Variants in PPP2R3B observed in about 807,000 individuals in gnomAD.
The protein encoded by PPP2R3B is serine/threonine-protein phosphatase 2A regulatory subunit B'' subunit beta.
A neutral mutation model predicts 72.9 loss-of-function variants in PPP2R3B; 68 were observed. That is an observed-to-expected ratio of 0.93 (90% CI 0.77 to 1.14). The LOEUF is 1.14. Among genes scored for constraint, PPP2R3B ranks in the 50% most tolerant of loss-of-function variants. The probability of loss-of-function intolerance (pLI) is 0.00; values close to 1 mark genes in which losing one functional copy is unlikely to be tolerated. For missense variants in PPP2R3B, 1,018 were observed against 842.0 expected (o/e 1.21, Z -2.59); for synonymous variants, 466 against 375.8 (o/e 1.24, Z -2.78).
At position 356,190 on chromosome X, in the gene PPP2R3B, G is replaced by A. The variant is rs1209976230; in HGVS notation, c.510+5215C>T. The stretch of plus-strand genomic sequence containing the variant: ...GCTGCCTGGAAATGCGTCACTCAGG[G>A]CCACCCCGGAAGCAGGGTTTTTTGT... On this transcript the variant is annotated intron_variant, in intron 2 of 12. Transcript: ENST00000390665. 4.6e-5 allele frequency among the ~76,000 whole-genome samples: 7 copies of A among 152,192 alleles called. No homozygotes were observed. In the Middle Eastern group the frequency reaches 9.5e-3, roughly 206 times the overall value.
Position 341,302 on chromosome X carries a change from C to A in PPP2R3B, c.1175+5G>T. ...GGACAAACGCATGCCGCAGCAGGAACCCACCTGGTCGGTGTTTTTTTGTCT... is the reference window on the plus strand; with the variant it reads ...GGACAAACGCATGCCGCAGCAGGAAACCACCTGGTCGGTGTTTTTTTGTCT... On this transcript the variant is annotated splice_donor_5th_base_variant and intron_variant, in intron 9 of 12. Transcript: ENST00000390665. 6.2e-7 allele frequency: 1 copy of A among 1,612,606 alleles called. No homozygotes were observed. Among genetic ancestry groups the A allele is most frequent in the South Asian group, 1.1e-5 (1 of 91,082 alleles).
intron 1 of PPP2R3B, among the ~76,000 whole-genome samples, chrX:367,682 G>A (rs2071751735): frequency 6.6e-6 from 1 of 152,232 alleles, no homozygotes; most frequent in Non-Finnish European, 1.5e-5. Flanking sequence ...GACGGTCACA[G>A]TCCATCACAC....
At chrX:374,070 A>C (rs2071934454) in intron 1 of PPP2R3B, 1 of 151,980 alleles carries the variant, frequency 6.6e-6, no homozygotes, top group Non-Finnish European at 1.5e-5. Context: ...AGCGCGCATC[A>C]ACAGGTCCCC....
rs773545426 is a variant in PPP2R3B, at chrX:335,526, T to TA, written c.1578-1010dup. 844 of 152,336 alleles carry TA rather than the reference T, an allele frequency of 5.5e-3. 6 individuals are homozygous for TA. The highest frequency in any genetic ancestry group is 8.6e-3 in the Non-Finnish European group (586 of 68,066). The allele number at this position is 152,336 out of a possible 1,614,324, so 9.4% of individuals were successfully genotyped here. A position where few individuals can be genotyped will look rare whatever the true frequency, so the allele number is the denominator to read the frequency against. On this transcript the variant is annotated intron_variant, in intron 12 of 12. Transcript: ENST00000390665. ...GGGCGGCTGATGGGGGAGCAGGGGTTAAAATGCACGTCCATGGAACCCATG... is the reference window on the plus strand; with the variant it reads ...GGGCGGCTGATGGGGGAGCAGGGGTTAAAAATGCACGTCCATGGAACCCATG...
chrX:375,992 G>C (rs1185654224), intron 1 of PPP2R3B, among the ~76,000 whole-genome samples: 1 of 152,152 alleles, frequency 6.6e-6, no homozygotes, highest in Non-Finnish European at 1.5e-5. Flanking sequence ...AGGAGTTCGA[G>C]ACCAGCCAGG....
chrX:365,247 GCATGCCTGTACTCCCAGCTACTCGAGA>G (rs2071682930), intron 1 of PPP2R3B, among the ~76,000 whole-genome samples: 1 of 20,378 alleles, frequency 4.9e-5, no homozygotes, highest in Non-Finnish European at 8.7e-5. Context: ...GTGTGGTGGC[GCATGCCTGTACTCCCAGCTACTCGAGA>G]GGCTGAGGCA....
rs202064367 is a variant in PPP2R3B, at chrX:338,686, G to A, written c.1495C>T (p.Leu499Phe). 1.7e-5 allele frequency: 28 copies of A among 1,611,510 alleles called. No homozygotes were observed. Among genetic ancestry groups the A allele is most frequent in the Non-Finnish European group, 1.9e-5 (22 of 1,179,656 alleles). Residue 499 changes from leucine to phenylalanine, a missense_variant, in exon 12 of 13, where the codon CTC (leucine) becomes TTC (phenylalanine). By Grantham distance (22) the Leu-to-Phe change is conservative (BLOSUM62 0). Transcript: ENST00000390665. ...GCCGCGTACTTCTCCCAGTCCGAGA[G>A]CTCGGGGCCGCCGCTGTCACCGTCC... ...LRDGDSGGPE[L>F]SDWEKYAAEE...
chrX:379,089 A>ATG (rs200042991), intron 1 of PPP2R3B, among the ~76,000 whole-genome samples: 17,789 of 141,858 alleles, frequency 0.13, 1,051 homozygotes, highest in Middle Eastern at 0.2. Context: ...GTATGCACCT[A>ATG]CGTGTGTGTG....
chrX:346,329 G>A (rs1469883403), intron 5 of PPP2R3B, 69 bp from the exon 6 acceptor site: 19 of 1,463,550 alleles, frequency 1.3e-5, no homozygotes, highest in Non-Finnish European at 1.8e-5. Context: ...ACGGAGACCG[G>A]GAGCCGGGAG....
chrX:338,093 C>G (rs745669557), intron 12 of PPP2R3B: 1 of 176,962 alleles, frequency 5.7e-6, no homozygotes, highest in African/African-American at 2.4e-5. Context: ...TGAAAACATA[C>G]GTCACAAACT....
intron 2 of PPP2R3B, among the ~76,000 whole-genome samples, chrX:354,675 AC>A (rs946493840): frequency 6.6e-6 from 1 of 152,018 alleles, no homozygotes; most frequent in African/African-American, 2.4e-5. Context: ...ACATAGCAGA[AC>A]CCTGTCTCTA....
At position 345,604 on chromosome X, in the gene PPP2R3B, G is replaced by C; in HGVS notation, c.948C>G (p.Phe316Leu). The change falls in exon 7 of 13, where the codon TTC becomes TTG. Residue 316 changes from phenylalanine (F) to leucine (L), a missense_variant. Coordinates refer to ENST00000390665, the MANE Select transcript of PPP2R3B (RefSeq NM_013239.5). ...CCCAGAACTTGCAGTAGATGACGTA[G>C]AAATGCTCGTACGAGAAGAATTCGG... is the stretch of plus-strand genomic sequence containing the variant. ...QLTEFFSYEH[F>L]YVIYCKFWEL... is the part of the protein sequence containing the mutation. 2 of 1,613,286 alleles carry C rather than the reference G, an allele frequency of 1.2e-6. No homozygotes were observed. Among genetic ancestry groups the C allele is most frequent in the Non-Finnish European group, 1.7e-6 (2 of 1,179,578 alleles).
chrX:345,781 G>A, intron 6 of PPP2R3B, 109 bp from the exon 7 acceptor site: 1 of 1,207,938 alleles, frequency 8.3e-7, no homozygotes, highest in Non-Finnish European at 1.2e-6. Context: ...GCCGCTCCGT[G>A]GGTGGGGGGG....
At chrX:364,517 AAAAC>A (rs1255262672) in intron 1 of PPP2R3B, among the ~76,000 whole-genome samples, 5 of 110,370 alleles carry the variant, frequency 4.5e-5, no homozygotes, top group Non-Finnish European at 9.5e-5. Flanking sequence ...AAAAAAAAAA[AAAAC>A]AAAAAAAAAA....
At chrX:339,373 G>A (rs375947274) in intron 10 of PPP2R3B, among the ~76,000 whole-genome samples, 5 of 106,730 alleles carry the variant, frequency 4.7e-5, no homozygotes, top group Admixed American at 1.9e-4. Context: ...GCCAGGCGGC[G>A]TGGACGGTGG....
chrX:360,935 G>A, intron 2 of PPP2R3B, among the ~76,000 whole-genome samples: 1 of 152,226 alleles, frequency 6.6e-6, no homozygotes, highest in Middle Eastern at 3.4e-3. Context: ...AGCACTCAGG[G>A]TGAGTCTAGA....
intron 9 of PPP2R3B, 40 bp from the exon 10 acceptor site, chrX:340,980 C>A (rs765697093): frequency 7.5e-6 from 12 of 1,594,476 alleles, no homozygotes; most frequent in Non-Finnish European, 1.0e-5. Context: ...GCCCTGGGCC[C>A]TCCCAGCCCG....
At chrX:376,320 C>A (rs1037673775) in intron 1 of PPP2R3B, among the ~76,000 whole-genome samples, 1 of 152,186 alleles carries the variant, frequency 6.6e-6, no homozygotes, top group Non-Finnish European at 1.5e-5. Context: ...CCACTGCCCC[C>A]CTGGAGCCCT....
intron 1 of PPP2R3B, among the ~76,000 whole-genome samples, chrX:385,325 T>C (rs1337478362): frequency 2.5e-5 from 3 of 122,038 alleles, no homozygotes; most frequent in Admixed American, 1.6e-4. Context: ...GTTTTCTTTT[T>C]TTTTTTTTTT....
Sources: allele counts gnomAD v4.1 joint callset (sites outside exome capture counted in the v4.1 genomes callset), GRCh38; gene constraint gnomAD v4.1.1; transcripts MANE v1.5; gene names NCBI Gene and HGNC (gene_info 2026-07-23, HGNC 2026-07-21).